Variants in EVL observed in about 807,000 individuals in gnomAD.
EVL encodes the protein Enah/Vasp-like.
Under a neutral mutation model 59.6 loss-of-function variants are expected in EVL, and 21 were observed. That is an observed-to-expected ratio of 0.35 (90% CI 0.25 to 0.51). The LOEUF (loss-of-function observed/expected upper bound fraction) is 0.51, where lower values mean the gene tolerates loss of function less well. Ranked by LOEUF, EVL falls within the 20% of genes least tolerant of loss-of-function variation. EVL has a pLI of 0.97. For synonymous variants in EVL, 198 were observed against 203.5 expected (o/e 0.97, Z 0.23); for missense variants, 462 against 546.6 (o/e 0.85, Z 1.54).
At chr14:100,026,232 AAAAAAAAAAAC>A (rs1372333224) in intron 1 of EVL, among the ~76,000 whole-genome samples, 2 of 84,448 alleles carry the variant, frequency 2.4e-5, no homozygotes, top group Non-Finnish European at 4.0e-5. Flanking sequence ...GTGTCTCAGG[AAAAAAAAAAAC>A]AAAAAAAAAA....
chr14:100,120,757 T>C lies in EVL; in HGVS notation c.359-2782T>C, dbSNP rs561654931. On this transcript the variant is annotated intron_variant, in intron 3 of 13. Transcript: ENST00000392920. The stretch of plus-strand genomic sequence containing the variant: ...GGCTGAAACCTTGAATCTTATTCAA[T>C]GGAGCCTGGACCCAACCCTGTGCAG... Among the ~76,000 whole-genome samples, 25 of 152,304 alleles carry C rather than the reference T, an allele frequency of 1.6e-4. No individual in the cohort carries two copies. The South Asian group carries it at 2.5e-3, about 15-fold the overall frequency.
rs1037911286 is a variant in EVL, at chr14:100,108,860, T to C, written c.358+11202T>C. Among the ~76,000 whole-genome samples, 8 of 152,228 alleles carry C rather than the reference T, an allele frequency of 5.3e-5. No homozygotes were observed. Among genetic ancestry groups the C allele is most frequent in the African/African-American group, 1.9e-4 (8 of 41,466 alleles). ...ACTTGGCCTGTCCTGCTATTCCCAC[T>C]GCATGAATCTAGTCAGGTTGGAAAT... On this transcript the variant is annotated intron_variant, in intron 3 of 13. Coordinates refer to ENST00000392920, the MANE Select transcript of EVL (RefSeq NM_016337.3). The surrounding 1 kb of genome is among the most constrained non-coding windows in gnomAD (Gnocchi z 4.1).
intron 1 of EVL, among the ~76,000 whole-genome samples, chr14:100,013,448 A>G (rs982090250): frequency 6.6e-6 from 1 of 152,186 alleles, no homozygotes; most frequent in African/African-American, 2.4e-5. Context: ...CCATTTTAGG[A>G]TGAGGAAACT....
At chr14:100,010,224 T>C (rs2061007602) in intron 1 of EVL, among the ~76,000 whole-genome samples, 1 of 152,190 alleles carries the variant, frequency 6.6e-6, no homozygotes, top group African/African-American at 2.4e-5. Context: ...TTTTCTTCCT[T>C]GTTATGCCAG....
chr14:100,102,169 A>T, intron 3 of EVL: 1 of 441,088 alleles, frequency 2.3e-6, no homozygotes. Context: ...GTAAGGGTGA[A>T]CATTTGCATA....
intron 1 of EVL, among the ~76,000 whole-genome samples, chr14:100,043,457 GTGAGC>G (rs2061498863): frequency 2.0e-5 from 3 of 147,762 alleles, no homozygotes; most frequent in African/African-American, 7.5e-5. Context: ...CCAAAGGCCT[GTGAGC>G]CCAGGGTGGG....
In EVL at chr14:100,130,238, G is replaced by A. The variant is rs1000912381; in HGVS notation, c.839+554G>A. 6.6e-6 allele frequency among the ~76,000 whole-genome samples: 1 copy of A among 152,136 alleles called. No homozygotes were observed. Among genetic ancestry groups the A allele is most frequent in the East Asian group, 1.9e-4 (1 of 5,196 alleles). Reference sequence around the variant, plus strand: ...TTGGGCCTGAGACCTGGCCATGTGTGTCTGCTCGCTGCAGCGGGTGTGGCT... The same window carrying A: ...TTGGGCCTGAGACCTGGCCATGTGTATCTGCTCGCTGCAGCGGGTGTGGCT... On this transcript the variant is annotated intron_variant, in intron 7 of 13. Transcript: ENST00000392920. This position sits in a 1 kb window ranked among gnomAD's most constrained non-coding sequence, Gnocchi z 4.8.
intron 1 of EVL, among the ~76,000 whole-genome samples, chr14:100,008,670 T>C (rs990912646): frequency 1.3e-4 from 20 of 152,330 alleles, no homozygotes; most frequent in Admixed American, 5.9e-4. Flanking sequence ...CATGGTAGTA[T>C]GAATATATCT....
At chr14:99,982,164 T>G (rs540617409) in intron 1 of EVL, among the ~76,000 whole-genome samples, 4 of 152,312 alleles carry the variant, frequency 2.6e-5, no homozygotes, top group Non-Finnish European at 5.9e-5. Flanking sequence ...TGTAGTTCCT[T>G]TATCATTCCC....
intron 1 of EVL, among the ~76,000 whole-genome samples, chr14:100,075,639 T>C (rs921699957): frequency 1.3e-5 from 2 of 152,148 alleles, no homozygotes; most frequent in Non-Finnish European, 2.9e-5. Context: ...AACTCAGACA[T>C]GGGCCTGTTC....
At chr14:99,973,485 C>T (rs1442292599) in intron 1 of EVL, among the ~76,000 whole-genome samples, 3 of 152,182 alleles carry the variant, frequency 2.0e-5, no homozygotes, top group East Asian at 1.9e-4. Context: ...TGTTTTGAGA[C>T]GGAGTCTCGC....
intron 5 of EVL, 95 bp downstream of exon 5, chr14:100,126,866 G>C (rs1042604222): frequency 1.1e-5 from 13 of 1,233,600 alleles, no homozygotes; most frequent in African/African-American, 3.0e-5. Flanking sequence ...GGGGCGCTCT[G>C]TGAGCAGCTA....
chr14:100,123,671 A>T (rs926331080), intron 4 of EVL, 69 bp downstream of exon 4: 2 of 1,543,020 alleles, frequency 1.3e-6, no homozygotes, highest in Middle Eastern at 1.7e-4. Context: ...GGGTGCCTTC[A>T]GCGGGTGAGG....
chr14:100,063,228 C>A (rs141396745), upstream of EVL, among the ~76,000 whole-genome samples: 2 of 152,160 alleles, frequency 1.3e-5, no homozygotes, highest in Non-Finnish European at 2.9e-5. Context: ...TCACACGAGT[C>A]CTTAAAAGTA....
intron 3 of EVL, among the ~76,000 whole-genome samples, chr14:100,117,803 C>T (rs373978062): frequency 2.6e-5 from 4 of 152,278 alleles, no homozygotes; most frequent in South Asian, 4.1e-4. Flanking sequence ...ACTGATAGCT[C>T]GTGAGGCCCA....
At chr14:100,012,698 T>C (rs2061024381) in intron 1 of EVL, among the ~76,000 whole-genome samples, 1 of 152,220 alleles carries the variant, frequency 6.6e-6, no homozygotes, top group African/African-American at 2.4e-5. Flanking sequence ...GGCCCCCCTT[T>C]CATGGAGTTG....
chr14:99,974,302 A>AT (rs2140165182), intron 1 of EVL: 1 of 152,254 alleles, frequency 6.6e-6, no homozygotes, highest in African/African-American at 2.4e-5. Context: ...AATTCACTTT[A>AT]TTTTTCTTGT....
At chr14:100,071,790 G>A (rs1254946238) in intron 1 of EVL, among the ~76,000 whole-genome samples, 1 of 152,124 alleles carries the variant, frequency 6.6e-6, no homozygotes, top group Non-Finnish European at 1.5e-5. Context: ...GGATGCAGGC[G>A]TCACTTGAAC....
chr14:99,996,313 C>T (rs1051084689), intron 1 of EVL, among the ~76,000 whole-genome samples: 4 of 152,182 alleles, frequency 2.6e-5, no homozygotes, highest in African/African-American at 9.7e-5. Context: ...CAGAGGCCAT[C>T]TAACATTGTT....
Sources: allele counts gnomAD v4.1 joint callset (sites outside exome capture counted in the v4.1 genomes callset), GRCh38; gene constraint gnomAD v4.1.1; non-coding constraint Gnocchi (gnomAD v3.1); transcripts MANE v1.5; gene names NCBI Gene and HGNC (gene_info 2026-07-23, HGNC 2026-07-21).